NRXN2: variants seen among roughly 807,000 people sequenced by gnomAD.
The protein encoded by NRXN2 is neurexin 2, also known as neurexin-2-beta.
A neutral mutation model predicts 128.8 loss-of-function variants in NRXN2; 29 were observed. That is an observed-to-expected ratio of 0.23 (90% CI 0.17 to 0.31). NRXN2 has a LOEUF of 0.31. Among genes scored for constraint, NRXN2 ranks in the 10% least tolerant of loss-of-function variants. The probability of loss-of-function intolerance (pLI) is 1.00; values close to 1 mark genes in which losing one functional copy is unlikely to be tolerated. For synonymous variants in NRXN2, 1,098 were observed against 1,075.2 expected (o/e 1.02, Z -0.41); for missense variants, 1,881 against 2,452.6 (o/e 0.77, Z 4.92).
rs568902303 is a variant in NRXN2, at chr11:64,656,681, C to T, written c.2390-2959G>A. Among the ~76,000 whole-genome samples the T allele has an allele frequency of 5.3e-5, 8 of 151,298 alleles. No individual in the cohort carries two copies. In the East Asian group the frequency reaches 1.6e-3, roughly 30 times the overall value. On this transcript the variant is annotated intron_variant, in intron 11 of 22. Coordinates refer to ENST00000265459, the MANE Select transcript of NRXN2 (RefSeq NM_015080.4). ...GACAGTGCCCAGCCTGGCCTGTCCT[C>T]TCCTCCCCTCCAGGGAGGGGCCCAG...
In NRXN2 at chr11:64,688,079, A is replaced by C. The variant is rs75840607; in HGVS notation, c.851-2132T>G. Among the ~76,000 whole-genome samples the C allele has an allele frequency of 2.6e-3, 397 of 152,188 alleles. 8 individuals carry two copies. The East Asian group carries it at 0.068, about 26-fold the overall frequency. The stretch of plus-strand genomic sequence containing the variant: ...AGAGAGTCAAACAGAAAGAAAGAAA[A>C]GAATAAGGCAACCATGTGAGTAAGT... On this transcript the variant is annotated intron_variant, in intron 5 of 22. Coordinates refer to ENST00000265459, the MANE Select transcript of NRXN2 (RefSeq NM_015080.4).
chr11:64,609,375 G>A (rs1443100340), intron 22 of NRXN2, among the ~76,000 whole-genome samples: 1 of 152,042 alleles, frequency 6.6e-6, no homozygotes. Context: ...AGCAAAAAAA[G>A]AAAAGAAAAT....
intron 1 of NRXN2, among the ~76,000 whole-genome samples, chr11:64,722,270 T>C (rs1256361087): frequency 8.1e-6 from 1 of 124,000 alleles, no homozygotes; most frequent in Non-Finnish European, 1.6e-5. Flanking sequence ...CTCCTACTGA[T>C]TTCCCAGTCT....
chr11:64,667,131 G>A lies in NRXN2; in HGVS notation c.1798+119C>T, dbSNP rs1461696618. The A allele has an allele frequency of 2.3e-5, 23 of 1,020,008 alleles. No individual in the cohort carries two copies. The highest frequency in any genetic ancestry group is 1.6e-4 in the Admixed American group (8 of 50,660). The allele number at this position is 1,020,008 out of a possible 1,614,324, so 63.2% of individuals were successfully genotyped here. ...GACGTGAGGGGGGTGGAGGAGAAGC[G>A]GCAGGGAAGAATATAGGAAATGGTG... On this transcript the variant is annotated intron_variant, in intron 9 of 22. Transcript: ENST00000265459. The surrounding 1 kb of genome is among the most constrained non-coding windows in gnomAD (Gnocchi z 5.6).
chr11:64,626,417 G>A, intron 20 of NRXN2, 46 bp downstream of exon 20: 1 of 1,429,910 alleles, frequency 7.0e-7, no homozygotes, highest in Non-Finnish European at 9.8e-7. Flanking sequence ...CTTTAAGATA[G>A]TGTTTTTAAA....
At chr11:64,699,876 CACCT>C (rs2055091285) in intron 2 of NRXN2, among the ~76,000 whole-genome samples, 1 of 152,174 alleles carries the variant, frequency 6.6e-6, no homozygotes, top group Admixed American at 6.5e-5. Flanking sequence ...GTCTCACCAG[CACCT>C]GTGCAAATAA....
intron 17 of NRXN2, among the ~76,000 whole-genome samples, chr11:64,644,615 G>A (rs2046356531): frequency 6.6e-6 from 1 of 152,148 alleles, no homozygotes; most frequent in African/African-American, 2.4e-5. Flanking sequence ...CCCGTCACCG[G>A]GTCGTATGCA....
rs2042515351 is a variant in NRXN2, at chr11:64,622,551, A to T, written c.4173+202T>A. The stretch of plus-strand genomic sequence containing the variant: ...ATAGTGGTCACCCCCACATCACAAG[A>T]TCCCTGGTCATTAGGGTGAAGGCCA... On this transcript the variant is annotated intron_variant, in intron 21 of 22. Transcript: ENST00000265459. This position sits in a 1 kb window ranked among gnomAD's most constrained non-coding sequence, Gnocchi z 4.3. 6.6e-6 allele frequency among the ~76,000 whole-genome samples: 1 copy of T among 152,184 alleles called. No individual in the cohort carries two copies. The highest frequency in any genetic ancestry group is 2.4e-5 in the African/African-American group (1 of 41,434).
chr11:64,708,382 A>C (rs916769233), intron 2 of NRXN2, among the ~76,000 whole-genome samples: 2 of 152,216 alleles, frequency 1.3e-5, no homozygotes, highest in Admixed American at 1.3e-4. Flanking sequence ...ACATGCCTGC[A>C]CATCCCTTCT....
In NRXN2 at chr11:64,652,168, G is replaced by C. The variant is rs372643880; in HGVS notation, c.2417-14C>G. 2.4e-5 allele frequency: 39 copies of C among 1,608,536 alleles called. No individual in the cohort carries two copies. The Admixed American group carries it at 3.4e-4, about 14-fold the overall frequency. ...CGGGGCCTTTACCTGCGGCACCAAG[G>C]GGGGAATGAGGAGGGCACCTATACA... On this transcript the variant is annotated splice_polypyrimidine_tract_variant and intron_variant, in intron 12 of 22. Coordinates refer to ENST00000265459, the MANE Select transcript of NRXN2 (RefSeq NM_015080.4).
At position 64,623,723 on chromosome 11, in the gene NRXN2, C is replaced by T. The variant is rs908021874; in HGVS notation, c.3848-645G>A. 6.5e-6 allele frequency: 1 copy of T among 154,966 alleles called. No homozygotes were observed. The highest frequency in any genetic ancestry group is 2.4e-5 in the African/African-American group (1 of 41,472). The allele number at this position is 154,966 out of a possible 1,614,324, so 9.6% of individuals were successfully genotyped here. On this transcript the variant is annotated intron_variant, in intron 20 of 22. Coordinates refer to ENST00000265459, the MANE Select transcript of NRXN2 (RefSeq NM_015080.4). The surrounding 1 kb of genome is among the most constrained non-coding windows in gnomAD (Gnocchi z 4.9). ...GATCCCCTCTCTTCTCCCGGACTGC[C>T]AAGGCCCAGCACTGCCTGGGACCAG...
intron 11 of NRXN2, among the ~76,000 whole-genome samples, chr11:64,654,702 A>G (rs369571745): frequency 8.5e-5 from 13 of 152,314 alleles, no homozygotes; most frequent in African/African-American, 1.2e-4. Flanking sequence ...CCAGGGTCCT[A>G]TGAAGTCCAG....
chr11:64,661,498 C>G (rs2049023930), intron 9 of NRXN2: 2 of 796,050 alleles, frequency 2.5e-6, no homozygotes, highest in South Asian at 3.0e-5. Context: ...CTGGGTCATT[C>G]CTGCCAGCCA....
In NRXN2 at chr11:64,713,349, C is replaced by G. The variant is rs1332971139; in HGVS notation, c.351G>C (p.Leu117=). 1.4e-6 allele frequency: 2 copies of G among 1,415,540 alleles called. No individual in the cohort carries two copies. The highest frequency in any genetic ancestry group is 1.8e-6 in the Non-Finnish European group (2 of 1,089,514). The allele number at this position is 1,415,540 out of a possible 1,614,324, so 87.7% of individuals were successfully genotyped here. ...GCGCCGTGCGGCGCGCGTCGCGGGT[C>G]AGCAGCACCATGTGCCAGCGGTCGT... ...VADDRWHMVL[L]TRDARRTALA... The change falls in exon 2 of 23, where the codon CTG becomes CTC. Residue 117 remains leucine, a synonymous_variant. Coordinates refer to ENST00000265459, the MANE Select transcript of NRXN2 (RefSeq NM_015080.4).
At chr11:64,705,216 A>G (rs1403042213) in intron 2 of NRXN2, among the ~76,000 whole-genome samples, 2 of 152,200 alleles carry the variant, frequency 1.3e-5, no homozygotes, top group African/African-American at 4.8e-5. Context: ...CAGGTAATCA[A>G]TAGACCAACT....
rs1255646503 is a variant in NRXN2 at position 64,642,450 on chromosome 11, G to A, written c.3403+5769C>T. 3 of 1,487,816 alleles carry A rather than the reference G, an allele frequency of 2.0e-6. No individual in the cohort carries two copies. In the Admixed American group the frequency reaches 6.4e-5, roughly 32 times the overall value. 92.2% of individuals were successfully genotyped at this position (1,487,816 alleles called of 1,614,324 possible). ...GCCAGGCTCGGCGTGCACAGCTGGG[G>A]TGGGGCCCGCGGGGGCCCAGCTGCG... On this transcript the variant is annotated intron_variant, in intron 17 of 22. Coordinates refer to ENST00000265459, the MANE Select transcript of NRXN2 (RefSeq NM_015080.4).
At chr11:64,717,814 G>T (rs1002729535) in intron 1 of NRXN2, among the ~76,000 whole-genome samples, 1 of 152,182 alleles carries the variant, frequency 6.6e-6, no homozygotes, top group Admixed American at 6.5e-5. Context: ...GAATTCACTT[G>T]CCCAAGGCCA....
At chr11:64,671,882 G>A (rs1264332456) in intron 7 of NRXN2, among the ~76,000 whole-genome samples, 4 of 151,898 alleles carry the variant, frequency 2.6e-5, no homozygotes, top group South Asian at 4.2e-4. Context: ...ATTCGCCACC[G>A]ATCACCAACC....
At chr11:64,664,948 C>A (rs1591942206) in intron 9 of NRXN2, among the ~76,000 whole-genome samples, 2 of 148,026 alleles carry the variant, frequency 1.4e-5, no homozygotes, top group South Asian at 4.3e-4. Flanking sequence ...TGAGATCACG[C>A]CACTGCACTC....
Sources: gnomAD v4.1 joint callset for allele counts (sites outside exome capture counted in the v4.1 genomes callset) on GRCh38, gnomAD v4.1.1 for gene constraint, Gnocchi (gnomAD v3.1) non-coding constraint, MANE v1.5 for transcripts, NCBI Gene and HGNC (gene_info 2026-07-23, HGNC 2026-07-21) for gene names.